Variants in RPH3A observed in about 807,000 individuals in gnomAD.
RPH3A encodes the protein rabphilin-3A.
In RPH3A, 48 loss-of-function variants were observed where a neutral mutation model predicts 102.2. The observed-to-expected ratio is 0.47, with a 90% confidence interval of 0.37 to 0.60. The LOEUF (loss-of-function observed/expected upper bound fraction) is 0.60, where lower values mean the gene tolerates loss of function less well. RPH3A is among the 20% of genes least tolerant of loss of function. RPH3A has a pLI of 0.00. For missense variants in RPH3A, 781 were observed against 910.1 expected, an observed-to-expected ratio of 0.86 and a Z score of 1.83; for synonymous variants, 310 against 324.3, an observed-to-expected ratio of 0.96 and a Z score of 0.47.
chr12:112,780,874 G>A (rs1592995447), intron 1 of RPH3A, among the ~76,000 whole-genome samples: 1 of 152,300 alleles, frequency 6.6e-6, no homozygotes, highest in Middle Eastern at 3.4e-3. Context: ...TCCTCTGGTA[G>A]CCGGGCATGG....
At chr12:112,793,915 C>G (rs1305596625) in intron 2 of RPH3A, among the ~76,000 whole-genome samples, 1 of 152,074 alleles carries the variant, frequency 6.6e-6, no homozygotes, top group Non-Finnish European at 1.5e-5. Context: ...AGGGCAGCAT[C>G]CCCATTTAAT....
At chr12:112,713,045 T>TCTC (rs2040487273) in intron 1 of RPH3A, among the ~76,000 whole-genome samples, 3 of 77,544 alleles carry the variant, frequency 3.9e-5, no homozygotes, top group Non-Finnish European at 7.1e-5. Context: ...TTCTTCTTCT[T>TCTC]CTTCTCCTTC....
At chr12:112,637,275 C>A (rs1023405172) in intron 1 of RPH3A, among the ~76,000 whole-genome samples, 1 of 152,146 alleles carries the variant, frequency 6.6e-6, no homozygotes, top group Non-Finnish European at 1.5e-5. Flanking sequence ...TAAATATATA[C>A]TTTATGCTTT....
At chr12:112,794,271 G>A (rs893415058) in intron 2 of RPH3A, among the ~76,000 whole-genome samples, 7 of 152,208 alleles carry the variant, frequency 4.6e-5, no homozygotes, top group African/African-American at 1.4e-4. Context: ...TGTCTGGGTG[G>A]CCCTAAGTCC....
At chr12:112,653,244 C>T (rs2039988393) in intron 1 of RPH3A, among the ~76,000 whole-genome samples, 2 of 151,794 alleles carry the variant, frequency 1.3e-5, no homozygotes, top group South Asian at 2.1e-4. Context: ...CAAAAATTAG[C>T]CTGTATTCCC....
chr12:112,827,374 G>A lies in RPH3A; in HGVS notation c.-18-927G>A, dbSNP rs182487936. Among the ~76,000 whole-genome samples the A allele has an allele frequency of 3.4e-3, 513 of 152,264 alleles. 4 individuals are homozygous for A. Among genetic ancestry groups the A allele is most frequent in the African/African-American group, 0.01 (417 of 41,542 alleles). ...TTTCGAGGTTCACCTATGTCATAGC[G>A]TATGTCAATACTTCATCTGTTTTTA... On this transcript the variant is annotated intron_variant, in intron 2 of 21. Coordinates refer to ENST00000389385, the MANE Select transcript of RPH3A (RefSeq NM_001143854.2).
At chr12:112,588,330 T>C (rs1031052971) in intron 1 of RPH3A, among the ~76,000 whole-genome samples, 7 of 152,294 alleles carry the variant, frequency 4.6e-5, no homozygotes, top group African/African-American at 1.7e-4. Flanking sequence ...TCCATATGGC[T>C]GGAGAGGCCT....
intron 1 of RPH3A, among the ~76,000 whole-genome samples, chr12:112,776,722 A>C (rs2040969062): frequency 6.6e-6 from 1 of 151,686 alleles, no homozygotes; most frequent in Non-Finnish European, 1.5e-5. Context: ...AAAATACAAA[A>C]AATTAGCTGG....
chr12:112,874,874 C>T (rs2042766977), intron 10 of RPH3A: 3 of 526,784 alleles, frequency 5.7e-6, no homozygotes, highest in Non-Finnish European at 6.7e-6. Context: ...TTTTTAACAA[C>T]TGCTGCTGCT....
At chr12:112,852,401 T>A (rs2042336932) in intron 5 of RPH3A, among the ~76,000 whole-genome samples, 1 of 152,222 alleles carries the variant, frequency 6.6e-6, no homozygotes, top group South Asian at 2.1e-4. Flanking sequence ...TTGGTGGCTA[T>A]CTTTATCCCA....
At chr12:112,725,997 G>A (rs1209041862) in intron 1 of RPH3A, among the ~76,000 whole-genome samples, 1 of 151,984 alleles carries the variant, frequency 6.6e-6, no homozygotes, top group Non-Finnish European at 1.5e-5. Context: ...GGGTTTCACC[G>A]TGTAAGCCAG....
intron 5 of RPH3A, among the ~76,000 whole-genome samples, chr12:112,850,370 C>A (rs1250203566): frequency 4.6e-5 from 7 of 151,756 alleles, no homozygotes; most frequent in Non-Finnish European, 7.4e-5. Flanking sequence ...CTAGCTGAAG[C>A]CTTTGTTCTA....
intron 7 of RPH3A, 67 bp downstream of exon 7, chr12:112,866,907 T>A: frequency 7.8e-7 from 1 of 1,289,694 alleles, no homozygotes; most frequent in Non-Finnish European, 1.1e-6. Context: ...AGAGGTGCCT[T>A]AAGAGGTTTG....
At chr12:112,640,307 A>G (rs939472505) in intron 1 of RPH3A, among the ~76,000 whole-genome samples, 1 of 137,310 alleles carries the variant, frequency 7.3e-6, no homozygotes, top group African/African-American at 2.8e-5. Flanking sequence ...CCTGGTCAAC[A>G]AGAGCAAAAC....
At chr12:112,722,486 A>C (rs1481421517) in intron 1 of RPH3A, among the ~76,000 whole-genome samples, 2 of 152,228 alleles carry the variant, frequency 1.3e-5, no homozygotes, top group Non-Finnish European at 2.9e-5. Flanking sequence ...TATTCAGTCT[A>C]CTTCTTCATC....
intron 6 of RPH3A, 22 bp from the exon 7 acceptor site, chr12:112,866,735 G>A (rs755359554): frequency 1.2e-6 from 2 of 1,600,872 alleles, no homozygotes; most frequent in Non-Finnish European, 1.7e-6. Context: ...ATCTGAGTGT[G>A]TTGGCTGTGT....
At chr12:112,797,890 T>C (rs1032485666) in intron 2 of RPH3A, among the ~76,000 whole-genome samples, 3 of 151,990 alleles carry the variant, frequency 2.0e-5, no homozygotes, top group African/African-American at 7.3e-5. Context: ...GATCTCTCTA[T>C]GTTGCTCAGG....
intron 1 of RPH3A, among the ~76,000 whole-genome samples, chr12:112,723,261 T>A (rs1287804639): frequency 2.0e-5 from 3 of 152,186 alleles, no homozygotes; most frequent in Admixed American, 1.3e-4. Context: ...GCCTTACCGA[T>A]AACATAAATA....
At chr12:112,746,549 T>C (rs1234077319) in intron 1 of RPH3A, among the ~76,000 whole-genome samples, 1 of 152,150 alleles carries the variant, frequency 6.6e-6, no homozygotes, top group Non-Finnish European at 1.5e-5. Context: ...CCTTCTTTTA[T>C]AGGAAAAATT....
Sources: gnomAD v4.1 joint callset for allele counts (sites outside exome capture counted in the v4.1 genomes callset) on GRCh38, gnomAD v4.1.1 for gene constraint, MANE v1.5 for transcripts, NCBI Gene and HGNC (gene_info 2026-07-23, HGNC 2026-07-21) for gene names.